SRFBP1: variants seen among roughly 807,000 people sequenced by gnomAD.
SRFBP1 encodes the protein serum response factor-binding protein 1.
A neutral mutation model predicts 45.5 loss-of-function variants in SRFBP1; 47 were observed. The observed-to-expected ratio is 1.03, with a 90% CI of 0.82 to 1.32. The LOEUF (loss-of-function observed/expected upper bound fraction) is 1.32, where lower values mean the gene tolerates loss of function less well. SRFBP1 is among the 40% of genes most tolerant of loss of function. The probability of loss-of-function intolerance (pLI) is 0.00; values close to 1 mark genes in which losing one functional copy is unlikely to be tolerated. For synonymous variants in SRFBP1, 203 were observed against 166.3 expected (o/e 1.22, Z -1.70); for missense variants, 621 against 484.6 (o/e 1.28, Z -2.64).
chr5:122,022,631 A>G (rs1753385456), intron 7 of SRFBP1, among the ~76,000 whole-genome samples: 1 of 152,204 alleles, frequency 6.6e-6, no homozygotes, highest in Non-Finnish European at 1.5e-5. Flanking sequence ...ATCAGGAAAT[A>G]TTATGTCTAT....
chr5:121,989,795 A>G (rs1301693710), intron 3 of SRFBP1, among the ~76,000 whole-genome samples: 2 of 152,202 alleles, frequency 1.3e-5, no homozygotes, highest in African/African-American at 2.4e-5. Flanking sequence ...TTCTCCCATT[A>G]TAAGTAAAAC....
rs1204152651 is a variant in SRFBP1 at position 121,994,777 on chromosome 5, A to C, written c.270+107A>C. 1.4e-5 allele frequency: 10 copies of C among 699,782 alleles called. No individual in the cohort carries two copies. In the Admixed American group the frequency reaches 2.1e-4, roughly 15 times the overall value. The allele number at this position is 699,782 out of a possible 1,614,324, so 43.3% of individuals were successfully genotyped here. A position where few individuals can be genotyped will look rare whatever the true frequency, so the allele number is the denominator to read the frequency against. On this transcript the variant is annotated intron_variant, in intron 4 of 7. Coordinates refer to ENST00000339397, the MANE Select transcript of SRFBP1 (RefSeq NM_152546.3). ...CCAAGAAGTCATGCTATTAGTTTGTAATTAGTTTTCCTAACTGAACTCCAT... is the reference window on the plus strand; with the variant it reads ...CCAAGAAGTCATGCTATTAGTTTGTCATTAGTTTTCCTAACTGAACTCCAT...
downstream of SRFBP1, chr5:122,077,631 G>A: frequency 1.2e-6 from 2 of 1,610,768 alleles, no homozygotes; most frequent in Non-Finnish European, 1.7e-6. The surrounding 1 kb of genome is among the most constrained non-coding windows in gnomAD (Gnocchi z 4.9). Flanking sequence ...CGGGCGGTGG[G>A]CCTGGGGCGG....
chr5:122,076,462 A>G (rs562926544), downstream of SRFBP1, among the ~76,000 whole-genome samples: 27 of 152,340 alleles, frequency 1.8e-4, no homozygotes, highest in African/African-American at 6.3e-4. Flanking sequence ...ACAAAAGAGG[A>G]AAACTTAGTC....
At chr5:122,068,810 G>A (rs536878443) in intron 2 of SRFBP1, among the ~76,000 whole-genome samples, 7 of 152,140 alleles carry the variant, frequency 4.6e-5, no homozygotes, top group Middle Eastern at 6.8e-3. Flanking sequence ...AAAAATGAGA[G>A]TGCAAATGAA....
rs554062938 is a variant in SRFBP1, at chr5:122,016,585, C to T, written c.271-2675C>T. Among the ~76,000 whole-genome samples the T allele has an allele frequency of 2.6e-5, 4 of 152,186 alleles. No homozygotes were observed. The South Asian group carries it at 6.2e-4, about 24-fold the overall frequency. ...CATATATTGTTTTCAGTCTTCTTAG[C>T]CTGAAAAATCATGTTTTTCATTGGA... On this transcript the variant is annotated intron_variant, in intron 4 of 7. Coordinates refer to ENST00000339397, the MANE Select transcript of SRFBP1 (RefSeq NM_152546.3).
chr5:122,077,074 A>G, downstream of SRFBP1: 3 of 1,582,124 alleles, frequency 1.9e-6, no homozygotes, highest in Non-Finnish European at 1.7e-6. This position sits in a 1 kb window ranked among gnomAD's most constrained non-coding sequence, Gnocchi z 4.9. Context: ...CTACCCCTCT[A>G]GGTCCCTTAC....
chr5:122,073,674 G>C (rs1754523552), intron 2 of SRFBP1, among the ~76,000 whole-genome samples: 1 of 152,120 alleles, frequency 6.6e-6, no homozygotes, highest in Non-Finnish European at 1.5e-5. Flanking sequence ...CTGTAACAAG[G>C]ACCCACACTG....
chr5:122,003,435 G>C (rs1752915001), intron 4 of SRFBP1, among the ~76,000 whole-genome samples: 1 of 151,906 alleles, frequency 6.6e-6, no homozygotes, highest in Non-Finnish European at 1.5e-5. Flanking sequence ...ACGTTGAACA[G>C]AATAGTGCTA....
chr5:122,001,898 C>T (rs1752881338), intron 4 of SRFBP1, among the ~76,000 whole-genome samples: 1 of 151,986 alleles, frequency 6.6e-6, no homozygotes, highest in Non-Finnish European at 1.5e-5. Context: ...AAGGACAGTA[C>T]AAGAAAATAT....
intron 4 of SRFBP1, among the ~76,000 whole-genome samples, chr5:122,016,564 T>C (rs1753197956): frequency 6.6e-6 from 1 of 152,188 alleles, no homozygotes; most frequent in Non-Finnish European, 1.5e-5. Flanking sequence ...TATTTTCATA[T>C]ATTGTTTTCA....
At chr5:122,015,539 A>G (rs1394361271) in intron 4 of SRFBP1, among the ~76,000 whole-genome samples, 1 of 152,204 alleles carries the variant, frequency 6.6e-6, no homozygotes, top group African/African-American at 2.4e-5. Flanking sequence ...TTCTGTCACA[A>G]CTACTTCGCT....
In SRFBP1 at chr5:122,027,140, C is replaced by G; in HGVS notation, c.*14C>G. ...TTTGATGATTGATTAGTGCCTCTTT[C>G]TGCAAACTTTTCCATCTAAAAAAAA... On this transcript the variant is annotated 3_prime_UTR_variant, in exon 8 of 8. Transcript: ENST00000339397. 2 of 1,579,034 alleles carry G rather than the reference C, an allele frequency of 1.3e-6. No homozygotes were observed. Among genetic ancestry groups the G allele is most frequent in the Non-Finnish European group, 1.7e-6 (2 of 1,165,240 alleles).
intron 4 of SRFBP1, 85 bp downstream of exon 4, chr5:121,994,755 A>T: frequency 1.2e-6 from 1 of 867,660 alleles, no homozygotes; most frequent in African/African-American, 1.7e-5. Flanking sequence ...AAACTTACCA[A>T]GAAGTCATGC....
rs1369750418 is a variant in SRFBP1, at chr5:122,028,316, G to C, written c.*1190G>C. 6.6e-6 allele frequency: 1 copy of C among 152,124 alleles called. No individual in the cohort carries two copies. 9.4% of individuals were successfully genotyped at this position (152,124 alleles called of 1,614,324 possible). A position where few individuals can be genotyped will look rare whatever the true frequency, so the allele number is the denominator to read the frequency against. ...CTTATTTCAGGAGCTTAAGAATTTA[G>C]ATAACTCAGCCGGGCGTGGTGACTC... On this transcript the variant is annotated 3_prime_UTR_variant, in exon 8 of 8. Transcript: ENST00000339397.
intron 1 of SRFBP1, 133 bp downstream of exon 1, chr5:121,962,201 C>A: frequency 1.8e-6 from 2 of 1,117,872 alleles, no homozygotes; most frequent in Non-Finnish European, 2.6e-6. Context: ...GGGTTTCCCG[C>A]AACTTGGAGT....
chr5:121,995,316 C>T (rs998145324), intron 4 of SRFBP1, among the ~76,000 whole-genome samples: 2 of 152,172 alleles, frequency 1.3e-5, no homozygotes, highest in Non-Finnish European at 2.9e-5. Flanking sequence ...CAAACTGTCT[C>T]TCAGACTGCA....
intron 2 of SRFBP1, among the ~76,000 whole-genome samples, chr5:122,044,324 G>T (rs1345609328): frequency 6.6e-6 from 1 of 152,168 alleles, no homozygotes; most frequent in Non-Finnish European, 1.5e-5. Context: ...ATGTGCATGA[G>T]TGTTTATGGT....
At chr5:122,030,588 C>A (rs1753573013), downstream of SRFBP1, among the ~76,000 whole-genome samples, 1 of 148,816 alleles carries the variant, frequency 6.7e-6, no homozygotes, top group Non-Finnish European at 1.5e-5. Context: ...TTTTCAAAAA[C>A]AATTAGAGGC....
Sources: gnomAD v4.1 joint callset for allele counts (sites outside exome capture counted in the v4.1 genomes callset) on GRCh38, gnomAD v4.1.1 for gene constraint, Gnocchi (gnomAD v3.1) non-coding constraint, MANE v1.5 for transcripts, NCBI Gene and HGNC (gene_info 2026-07-23, HGNC 2026-07-21) for gene names.